DTHD1: variants seen among roughly 807,000 people sequenced by gnomAD.
DTHD1 encodes the protein death domain containing 1, also known as death domain-containing protein 1.
A neutral mutation model predicts 74.8 loss-of-function variants in DTHD1; 59 were observed. That is an observed-to-expected ratio of 0.79 (90% CI 0.64 to 0.98). The LOEUF (loss-of-function observed/expected upper bound fraction) is 0.98. Ranked by LOEUF, DTHD1 falls within the 50% of genes least tolerant of loss-of-function variation. The probability of loss-of-function intolerance (pLI) is 0.00; values close to 1 mark genes in which losing one functional copy is unlikely to be tolerated. For missense variants in DTHD1, 1,051 were observed against 1,065.4 expected (o/e 0.99, Z 0.19); for synonymous variants, 365 against 371.1 (o/e 0.98, Z 0.19).
chr4:36,347,435 C>T lies in DTHD1; in HGVS notation c.*3611C>T, dbSNP rs1165574940. 6.6e-6 allele frequency among the ~76,000 whole-genome samples: 1 copy of T among 152,010 alleles called. No homozygotes were observed. The highest frequency in any genetic ancestry group is 1.5e-5 in the Non-Finnish European group (1 of 67,982). On this transcript the variant is annotated 3_prime_UTR_variant, in exon 10 of 10. Coordinates refer to ENST00000639862, the MANE Select transcript of DTHD1 (RefSeq NM_001170700.3). ...TGTAGTCCCAATATATACCTAAGAG[C>T]AAAGTGATAGTTTACCATAGTTCAT...
In DTHD1 at chr4:36,345,314, A is replaced by T. The variant is rs551961910; in HGVS notation, c.*1490A>T. ...AAGCTTTGAGTTTTTGGAAAGCCTA[A>T]CGCCCTTTAGCTCTCTGAAGCAGTT... On this transcript the variant is annotated 3_prime_UTR_variant, in exon 10 of 10. Transcript: ENST00000639862. The T allele has an allele frequency of 1.1e-4, 16 of 152,260 alleles. No individual in the cohort carries two copies. Among genetic ancestry groups the T allele is most frequent in the Admixed American group, 9.8e-4 (15 of 15,274 alleles). The allele number at this position is 152,260 out of a possible 1,614,324, so 9.4% of individuals were successfully genotyped here. A position where few individuals can be genotyped will look rare whatever the true frequency, so the allele number is the denominator to read the frequency against.
intron 9 of DTHD1, among the ~76,000 whole-genome samples, chr4:36,342,593 G>T (rs1019634024): frequency 6.6e-6 from 1 of 151,948 alleles, no homozygotes; most frequent in African/African-American, 2.4e-5. Flanking sequence ...GGAAAGTGTT[G>T]GTGTAAAGGA....
intron 7 of DTHD1, among the ~76,000 whole-genome samples, chr4:36,314,422 C>T (rs1290901766): frequency 6.7e-6 from 1 of 149,932 alleles, no homozygotes. Context: ...CCTGTAATCC[C>T]AGCACTTTGG....
chr4:36,327,789 A>G (rs1758438170), intron 8 of DTHD1, among the ~76,000 whole-genome samples: 1 of 152,068 alleles, frequency 6.6e-6, no homozygotes, highest in Admixed American at 6.6e-5. Flanking sequence ...TTCCATTTAT[A>G]TTTTCTGAAA....
chr4:36,281,731 A>T lies in DTHD1; in HGVS notation c.-28A>T. Reference sequence around the variant, plus strand: ...AAAACCTTTAGGCTTTGCTGGCAGGAGAGAAAATACCACTTTTGGATCATA... The same window carrying T: ...AAAACCTTTAGGCTTTGCTGGCAGGTGAGAAAATACCACTTTTGGATCATA... On this transcript the variant is annotated 5_prime_UTR_variant, in exon 1 of 10. Coordinates refer to ENST00000639862, the MANE Select transcript of DTHD1 (RefSeq NM_001170700.3). 1 of 1,235,000 alleles carries T rather than the reference A, an allele frequency of 8.1e-7. No individual in the cohort carries two copies. The highest frequency in any genetic ancestry group is 4.1e-5 in the South Asian group (1 of 24,504). 76.5% of individuals were successfully genotyped at this position (1,235,000 alleles called of 1,614,324 possible). A position where few individuals can be genotyped will look rare whatever the true frequency, so the allele number is the denominator to read the frequency against.
In DTHD1 at chr4:36,329,947, T is replaced by C. The variant is rs1758573334; in HGVS notation, c.2341-9165T>C. On this transcript the variant is annotated intron_variant, in intron 8 of 9. Coordinates refer to ENST00000639862, the MANE Select transcript of DTHD1 (RefSeq NM_001170700.3). ...TATATAGATGAAATTGTTTTCCCAC[T>C]TATGGTTTAAATAGAAGTGTTTCTT... 2.0e-5 allele frequency among the ~76,000 whole-genome samples: 3 copies of C among 152,208 alleles called. No homozygotes were observed. In the South Asian group the frequency reaches 6.2e-4, roughly 32 times the overall value.
chr4:36,308,139 T>C, intron 6 of DTHD1, 65 bp from the exon 7 acceptor site: 1 of 1,415,502 alleles, frequency 7.1e-7, no homozygotes. Flanking sequence ...TGGGTGTTAT[T>C]AGATATCAGT....
At chr4:36,334,705 G>C (rs41378948) in intron 8 of DTHD1, among the ~76,000 whole-genome samples, 1 of 152,206 alleles carries the variant, frequency 6.6e-6, no homozygotes, top group Admixed American at 6.5e-5. Context: ...CGCCTCGTGA[G>C]AGAGTGGTAG....
chr4:36,315,583 T>C (rs1578469825), intron 7 of DTHD1: 1 of 152,380 alleles, frequency 6.6e-6, no homozygotes, highest in African/African-American at 2.4e-5. Flanking sequence ...CTAGAATGTC[T>C]ATTGTGAGGT....
intron 8 of DTHD1, among the ~76,000 whole-genome samples, chr4:36,322,567 C>T (rs1026491298): frequency 5.3e-5 from 8 of 151,870 alleles, no homozygotes; most frequent in African/African-American, 1.2e-4. Flanking sequence ...GACTCCGAGA[C>T]GGGCACGCAT....
chr4:36,318,058 G>A (rs1029069995), intron 8 of DTHD1, among the ~76,000 whole-genome samples: 1 of 152,208 alleles, frequency 6.6e-6, no homozygotes, highest in South Asian at 2.1e-4. Context: ...AACATGCATT[G>A]TATCACTAAA....
chr4:36,308,352 G>C lies in DTHD1; in HGVS notation c.1954G>C (p.Val652Leu), dbSNP rs1185556863. 5 of 1,551,864 alleles carry C rather than the reference G, an allele frequency of 3.2e-6. No homozygotes were observed. Among genetic ancestry groups the C allele is most frequent in the Non-Finnish European group, 4.4e-6 (5 of 1,147,028 alleles). ...TCCACATAGAATAGCTGTTTTAGTG[G>C]TGCCTTCCAAAGATTTAAGCCAGGT... ...DNPHRIAVLV[V>L]PSKDLSQVLK... Residue 652 changes from valine to leucine, a missense_variant, in exon 7 of 10, where the codon GTG becomes CTG. Physicochemically the swap from Val to Leu is conservative, Grantham distance 32 (BLOSUM62 1). Transcript: ENST00000639862.
intron 5 of DTHD1, among the ~76,000 whole-genome samples, chr4:36,303,722 C>T (rs1756900609): frequency 1.3e-5 from 2 of 152,194 alleles, no homozygotes; most frequent in Admixed American, 1.3e-4. Flanking sequence ...AGATATAGCA[C>T]AGATTAGCCT....
At chr4:36,328,565 C>A (rs1456649621) in intron 8 of DTHD1, among the ~76,000 whole-genome samples, 1 of 152,148 alleles carries the variant, frequency 6.6e-6, no homozygotes, top group Non-Finnish European at 1.5e-5. Context: ...ATACAATGAA[C>A]CTACATGGAC....
Position 36,281,746 on chromosome 4 carries a change from T to G in DTHD1, c.-13T>G. ...TGCTGGCAGGAGAGAAAATACCACT[T>G]TTGGATCATAAAATGGATATGGAAT... On this transcript the variant is annotated 5_prime_UTR_variant, in exon 1 of 10. Coordinates refer to ENST00000639862, the MANE Select transcript of DTHD1 (RefSeq NM_001170700.3). The G allele has an allele frequency of 8.1e-7, 1 of 1,235,576 alleles. No homozygotes were observed. The allele number at this position is 1,235,576 out of a possible 1,614,324, so 76.5% of individuals were successfully genotyped here. A position where few individuals can be genotyped will look rare whatever the true frequency, so the allele number is the denominator to read the frequency against.
At chr4:36,307,523 A>C (rs1050970481) in intron 6 of DTHD1, among the ~76,000 whole-genome samples, 1 of 152,258 alleles carries the variant, frequency 6.6e-6, no homozygotes, top group Non-Finnish European at 1.5e-5. Flanking sequence ...AAATAAGGTC[A>C]CATTCTGAGG....
intron 5 of DTHD1, among the ~76,000 whole-genome samples, chr4:36,298,479 TG>T (rs1375228869): frequency 1.3e-5 from 2 of 152,160 alleles, no homozygotes; most frequent in Non-Finnish European, 2.9e-5. Context: ...TTCCATCTAG[TG>T]GAGCATAAAA....
chr4:36,342,918 CAAA>C (rs55956868), intron 9 of DTHD1, among the ~76,000 whole-genome samples: 2 of 96,990 alleles, frequency 2.1e-5, no homozygotes, highest in African/African-American at 7.9e-5. Flanking sequence ...ACTAAAAATA[CAAA>C]AAAAAAAAAA....
intron 8 of DTHD1, among the ~76,000 whole-genome samples, chr4:36,332,437 A>G (rs1049263324): frequency 6.6e-6 from 1 of 152,094 alleles, no homozygotes; most frequent in Non-Finnish European, 1.5e-5. Context: ...TCCTATGATG[A>G]CCTGTGTTCA....
Sources: allele counts gnomAD v4.1 joint callset (sites outside exome capture counted in the v4.1 genomes callset), GRCh38; gene constraint gnomAD v4.1.1; transcripts MANE v1.5; gene names NCBI Gene and HGNC (gene_info 2026-07-23, HGNC 2026-07-21).